The following FAF1 variants were observed in gnomAD, a reference collection of about 807,000 sequenced individuals.
FAF1 encodes Fas associated factor 1.
A neutral mutation model predicts 92.5 loss-of-function variants in FAF1; 25 were observed. The ratio of observed to expected loss-of-function variants is 0.27; its 90% CI spans 0.20 to 0.38. FAF1 has a LOEUF of 0.38. FAF1 is among the 10% of genes least tolerant of loss of function. The pLI is 1.00. For missense variants in FAF1, 636 were observed against 793.3 expected (o/e 0.80, Z 2.38); for synonymous variants, 234 against 273.2 (o/e 0.86, Z 1.42).
intron 15 of FAF1, among the ~76,000 whole-genome samples, chr1:50,494,160 A>T (rs1392284299): frequency 1.3e-5 from 2 of 152,084 alleles, no homozygotes; most frequent in African/African-American, 4.8e-5. Context: ...AATGGTTATC[A>T]TTTCTTCTTA....
Position 50,688,950 on chromosome 1 carries a change from T to C in FAF1, c.657+16836A>G, listed in dbSNP as rs747119081. Among the ~76,000 whole-genome samples the C allele has an allele frequency of 1.4e-4, 22 of 152,316 alleles. No individual in the cohort carries two copies. In the Middle Eastern group the frequency reaches 0.014, roughly 94 times the overall value. ...GGCCACATACTGTATGATTCCACTT[T>C]ATGAAGTAACTAGGGTGGTTACATT... On this transcript the variant is annotated intron_variant, in intron 7 of 18. Transcript: ENST00000396153.
chr1:50,730,883 C>T (rs1658887474), intron 6 of FAF1, among the ~76,000 whole-genome samples: 1 of 152,230 alleles, frequency 6.6e-6, no homozygotes, highest in Non-Finnish European at 1.5e-5. Flanking sequence ...ATTCCTGCTT[C>T]ACATGACACA....
At chr1:50,886,828 G>A (rs931741898) in intron 1 of FAF1, among the ~76,000 whole-genome samples, 13 of 152,148 alleles carry the variant, frequency 8.5e-5, no homozygotes, top group East Asian at 3.9e-4. Flanking sequence ...GAATAGTGCC[G>A]CAATAAACAT....
At position 50,840,592 on chromosome 1, in the gene FAF1, T is replaced by C. The variant is rs367694333; in HGVS notation, c.114+17337A>G. Among the ~76,000 whole-genome samples the C allele has an allele frequency of 3.9e-5, 6 of 152,156 alleles. No homozygotes were observed. The South Asian group carries it at 6.2e-4, about 16-fold the overall frequency. On this transcript the variant is annotated intron_variant, in intron 2 of 18. Coordinates refer to ENST00000396153, the MANE Select transcript of FAF1 (RefSeq NM_007051.3). ...ATAGAACTGTCAAAATACATCTAAC[T>C]ATATACTTTAGATTTATGTATTTCA...
intron 4 of FAF1, among the ~76,000 whole-genome samples, chr1:50,751,413 T>C (rs113730976): frequency 0.12 from 17,851 of 152,122 alleles, 1,265 homozygotes; most frequent in African/African-American, 0.2. Flanking sequence ...CGGCTTACTG[T>C]AACCTCTGCC....
intron 18 of FAF1, among the ~76,000 whole-genome samples, chr1:50,444,145 C>T (rs1412642738): frequency 6.6e-6 from 1 of 152,156 alleles, no homozygotes; most frequent in African/African-American, 2.4e-5. Flanking sequence ...CTTGGACAAA[C>T]CAATTGAGAG....
intron 7 of FAF1, among the ~76,000 whole-genome samples, chr1:50,667,466 A>T (rs1655688743): frequency 6.6e-6 from 1 of 152,192 alleles, no homozygotes; most frequent in South Asian, 2.1e-4. Context: ...TTTGATCTGG[A>T]CAAGTGAAAC....
intron 18 of FAF1, among the ~76,000 whole-genome samples, chr1:50,465,766 G>T (rs1161290779): frequency 6.6e-6 from 1 of 152,166 alleles, no homozygotes; most frequent in African/African-American, 2.4e-5. Context: ...CAATAAAAAG[G>T]CAGTATTTGA....
intron 4 of FAF1, among the ~76,000 whole-genome samples, chr1:50,756,737 G>T (rs1660090715): frequency 6.6e-6 from 1 of 152,196 alleles, no homozygotes; most frequent in Non-Finnish European, 1.5e-5. Flanking sequence ...AGGCAAGGTG[G>T]AGCAAGTCAC....
Position 50,959,911 on chromosome 1 carries a change from G to A in FAF1, c.-100C>T. On this transcript the variant is annotated 5_prime_UTR_variant, in exon 1 of 19. Coordinates refer to ENST00000396153, the MANE Select transcript of FAF1 (RefSeq NM_007051.3). ...GCCGCCACCGCCGCCGCCGCCGCCG[G>A]GCGCCGAGGGGCTGGCGGGCGAGCC... is the stretch of plus-strand genomic sequence containing the variant. The A allele has an allele frequency of 2.9e-6, 2 of 694,736 alleles. No homozygotes were observed. Among genetic ancestry groups the A allele is most frequent in the South Asian group, 1.3e-4 (2 of 15,624 alleles). The allele number at this position is 694,736 out of a possible 1,614,324, so 43.0% of individuals were successfully genotyped here. A position where few individuals can be genotyped will look rare whatever the true frequency, so the allele number is the denominator to read the frequency against.
intron 4 of FAF1, among the ~76,000 whole-genome samples, chr1:50,768,491 C>A (rs977121868): frequency 6.6e-6 from 1 of 152,108 alleles, no homozygotes; most frequent in Non-Finnish European, 1.5e-5. Context: ...ATATTCTTCT[C>A]ATCTGTACAT....
At chr1:50,899,136 T>C (rs544767234) in intron 1 of FAF1, among the ~76,000 whole-genome samples, 1 of 152,340 alleles carries the variant, frequency 6.6e-6, no homozygotes, top group South Asian at 2.1e-4. Context: ...ATTTTTCCTC[T>C]GCAATGTCTA....
At chr1:50,717,988 T>C (rs1306199528) in intron 6 of FAF1, among the ~76,000 whole-genome samples, 1 of 13,690 alleles carries the variant, frequency 7.3e-5, no homozygotes, top group African/African-American at 1.6e-4. Context: ...AATACAATCC[T>C]TTATTTATTT....
intron 17 of FAF1, among the ~76,000 whole-genome samples, chr1:50,489,704 C>T (rs556486268): frequency 6.6e-6 from 1 of 152,258 alleles, no homozygotes; most frequent in South Asian, 2.1e-4. Flanking sequence ...ATGGACATGA[C>T]ATGAACTCAT....
chr1:50,449,686 C>T (rs921296264), intron 18 of FAF1, among the ~76,000 whole-genome samples: 35 of 150,946 alleles, frequency 2.3e-4, no homozygotes, highest in Admixed American at 5.3e-4. Context: ...GACAAGTTTT[C>T]GCCATGTTGG....
chr1:50,697,906 T>G (rs983582056), intron 7 of FAF1, among the ~76,000 whole-genome samples: 2 of 152,082 alleles, frequency 1.3e-5, no homozygotes, highest in Admixed American at 6.5e-5. Context: ...AAAAGTATGT[T>G]TGAAAAAGAA....
chr1:50,485,673 A>G (rs1646757370), intron 17 of FAF1, among the ~76,000 whole-genome samples: 1 of 148,556 alleles, frequency 6.7e-6, no homozygotes, highest in African/African-American at 2.5e-5. Context: ...GTCTCAAAAA[A>G]AAAAAAAAAA....
At chr1:50,516,065 A>G (rs1478049399) in intron 15 of FAF1, among the ~76,000 whole-genome samples, 1 of 152,188 alleles carries the variant, frequency 6.6e-6, no homozygotes, top group African/African-American at 2.4e-5. Context: ...AATCTTATCA[A>G]GTGGCTACTA....
At chr1:50,685,987 T>C (rs944993758) in intron 7 of FAF1, among the ~76,000 whole-genome samples, 2 of 152,206 alleles carry the variant, frequency 1.3e-5, no homozygotes, top group Admixed American at 6.5e-5. Context: ...CTAATTAATA[T>C]CTTTATTCCC....
Sources: allele counts gnomAD v4.1 joint callset (sites outside exome capture counted in the v4.1 genomes callset), GRCh38; gene constraint gnomAD v4.1.1; transcripts MANE v1.5; gene names NCBI Gene and HGNC (gene_info 2026-07-23, HGNC 2026-07-21).